Variants in LY6G5B observed in about 807,000 individuals in gnomAD.
LY6G5B encodes the protein lymphocyte antigen 6 complex locus protein G5b.
In LY6G5B, 6 loss-of-function variants were observed where a neutral mutation model predicts 6.7. That is an observed-to-expected ratio of 0.89 (90% CI 0.49 to 1.76). The LOEUF (loss-of-function observed/expected upper bound fraction) is 1.76. Ranked by LOEUF, LY6G5B falls within the 40% of genes most tolerant of loss-of-function variation. LY6G5B has a pLI of 0.01. For synonymous variants in LY6G5B, 98 were observed against 99.4 expected (o/e 0.99, Z 0.09); for missense variants, 240 against 249.5 (o/e 0.96, Z 0.26).
At chr6:31,671,817 T>C (rs771904234) in intron 2 of LY6G5B, 47 bp from the exon 3 acceptor site, 13 of 1,559,378 alleles carry the variant, frequency 8.3e-6, no homozygotes, top group Non-Finnish European at 1.1e-5. Context: ...GTTCTTGGAC[T>C]ATGGGAAGCT....
exon 1 of LY6G5B, chr6:31,670,863 T>C: frequency 7.0e-7 from 1 of 1,426,326 alleles, no homozygotes; most frequent in Non-Finnish European, 9.5e-7. Flanking sequence ...AAAACCACCC[T>C]GCAGCTTAGG....
rs557032190 is a variant in LY6G5B, at chr6:31,672,323, C to T, written c.*41C>T. ...TATCTTTCTGTAACACCCTCAGCAT[C>T]CTGCACTGCCCTCTCTGAAAACACC... On this transcript the variant is annotated 3_prime_UTR_variant, in exon 3 of 3. Coordinates refer to ENST00000375864, the Ensembl canonical transcript of LY6G5B. The T allele has an allele frequency of 4.5e-6, 7 of 1,559,212 alleles. No individual in the cohort carries two copies. In the East Asian group the frequency reaches 1.6e-4, roughly 35 times the overall value.
exon 3 of LY6G5B, chr6:31,672,142 G>A: frequency 6.2e-7 from 1 of 1,613,124 alleles, no homozygotes; most frequent in Non-Finnish European, 8.5e-7. Context: ...GACGGAGCCT[G>A]ATGGCCTGGA....
upstream of LY6G5B, chr6:31,670,020 G>T: frequency 9.8e-7 from 1 of 1,024,172 alleles, no homozygotes. Context: ...TAAATTAAAG[G>T]AGTCGTTATC....
upstream of LY6G5B, chr6:31,670,114 T>A: frequency 1.6e-6 from 1 of 606,274 alleles, no homozygotes; most frequent in Non-Finnish European, 2.8e-6. Context: ...AAGGTGATGG[T>A]GTGTTGGACT....
At chr6:31,672,982 G>A (rs1802339588) in exon 3 of LY6G5B, 1 of 152,640 alleles carries the variant, frequency 6.6e-6, no homozygotes, top group South Asian at 2.1e-4. Flanking sequence ...GAAGGACGAG[G>A]AGGCCGGGCA....
chr6:31,670,721 C>T, exon 1 of LY6G5B: 1 of 548,584 alleles, frequency 1.8e-6, no homozygotes, highest in Non-Finnish European at 3.2e-6. Context: ...TACTCCCACA[C>T]TCAGGAACCA....
At chr6:31,670,527 A>C (rs1802132009) in exon 1 of LY6G5B, 1 of 188,034 alleles carries the variant, frequency 5.3e-6, no homozygotes, top group South Asian at 1.4e-4. Context: ...TTTCCTGGCC[A>C]GGTTGTCCCA....
At chr6:31,671,898 A>G (rs1291992137) in exon 3 of LY6G5B, 2 of 1,612,914 alleles carry the variant, frequency 1.2e-6, no homozygotes, top group African/African-American at 2.7e-5. Context: ...GAGGCTGTGG[A>G]CAGTACATTT....
chr6:31,671,337 T>C (rs1802200822), intron 2 of LY6G5B, 53 bp downstream of exon 2: 2 of 1,609,402 alleles, frequency 1.2e-6, no homozygotes, highest in Non-Finnish European at 1.7e-6. Context: ...TGGCTTGGTC[T>C]TCTCTCCTCT....
At chr6:31,671,410 T>C in intron 2 of LY6G5B, 126 bp downstream of exon 2, 1 of 1,386,834 alleles carries the variant, frequency 7.2e-7, no homozygotes, top group Non-Finnish European at 1.0e-6. Flanking sequence ...GTGCAATGGC[T>C]CATGCCTGTA....
chr6:31,671,904 C>G lies in LY6G5B; in HGVS notation c.228C>G (p.Tyr76Ter), dbSNP rs1802251029. The G allele has an allele frequency of 1.9e-6, 3 of 1,613,052 alleles. No homozygotes were observed. The East Asian group carries it at 6.7e-5, about 36-fold the overall frequency. Residue 76 changes from tyrosine to a stop codon, truncating the protein, a stop_gained, in exon 3 of 3, where the codon TAC becomes TAG. Coordinates refer to ENST00000375864, the Ensembl canonical transcript of LY6G5B. LOFTEE classifies it low-confidence loss of function (END_TRUNC). ...TCATCGTTCGAGGCTGTGGACAGTACATTTCCTACCGCTGCCAAGAAAAAC... is the reference window on the plus strand; with the variant it reads ...TCATCGTTCGAGGCTGTGGACAGTAGATTTCCTACCGCTGCCAAGAAAAAC...
Position 31,670,327 on chromosome 6 carries a change from T to G in LY6G5B, c.-624T>G, listed in dbSNP as rs919334682. 1 of 203,290 alleles carries G rather than the reference T, an allele frequency of 4.9e-6. No homozygotes were observed. Among genetic ancestry groups the G allele is most frequent in the African/African-American group, 2.3e-5 (1 of 43,074 alleles). The allele number at this position is 203,290 out of a possible 1,614,324, so 12.6% of individuals were successfully genotyped here. On this transcript the variant is annotated 5_prime_UTR_variant, in exon 1 of 3. An upstream open reading frame in the 5' UTR gains an earlier in-frame stop. Coordinates refer to ENST00000375864, the Ensembl canonical transcript of LY6G5B. ...GTTTGGATATCTATGACTGTCTGTT[T>G]ATACTGTAAGGGGCTTAATCAGCAG... is the stretch of plus-strand genomic sequence containing the variant.
intron 2 of LY6G5B, 81 bp from the exon 3 acceptor site, chr6:31,671,783 G>T (rs1802237069): frequency 6.7e-7 from 1 of 1,497,934 alleles, no homozygotes; most frequent in African/African-American, 1.4e-5. Context: ...TCTGGGTGAA[G>T]GATGGGAAAA....
At chr6:31,671,225 G>A in exon 2 of LY6G5B, 1 of 1,614,052 alleles carries the variant, frequency 6.2e-7, no homozygotes, top group Non-Finnish European at 8.5e-7. Context: ...TGCATTTCAG[G>A]CTCAGAGAAG....
At chr6:31,670,914 TC>T (rs748155400) in exon 1 of LY6G5B, 46 of 1,558,588 alleles carry the variant, frequency 3.0e-5, no homozygotes, top group Non-Finnish European at 3.8e-5. Context: ...TTTCAGGGCA[TC>T]CCCTCAGGAA....
chr6:31,671,760 G>A (rs1802235333), intron 2 of LY6G5B, 104 bp from the exon 3 acceptor site: 1 of 1,385,526 alleles, frequency 7.2e-7, no homozygotes, highest in Admixed American at 2.2e-5. Context: ...CTCTGGGTTA[G>A]AAGTAAATTA....
rs139883690 is a variant in LY6G5B, at chr6:31,671,914, C to T, written c.238C>T (p.Arg80Cys). Residue 80 changes from arginine to cysteine, a missense_variant, in exon 3 of 3, where the codon CGC becomes TGC. Arg to Cys is a radical substitution (Grantham distance 180, BLOSUM62 -3). Coordinates refer to ENST00000375864, the Ensembl canonical transcript of LY6G5B. ...AGGCTGTGGACAGTACATTTCCTAC[C>T]GCTGCCAAGAAAAACGCAACACCTA... 80 of 1,613,044 alleles carry T rather than the reference C, an allele frequency of 5.0e-5. No individual in the cohort carries two copies. In the African/African-American group the frequency reaches 9.6e-4, roughly 19 times the overall value.
At chr6:31,672,267 A>C (rs368822936) in exon 3 of LY6G5B, 167 of 1,612,226 alleles carry the variant, frequency 1.0e-4, no homozygotes, top group Non-Finnish European at 1.4e-4. Flanking sequence ...GACTCTTGAC[A>C]CCTCACCCTT....
Sources: allele counts gnomAD v4.1 joint callset, GRCh38; gene constraint gnomAD v4.1.1; transcripts MANE v1.5; gene names NCBI Gene and HGNC (gene_info 2026-07-23, HGNC 2026-07-21).